The following NKD2 variants were observed in gnomAD, a reference collection of about 807,000 sequenced individuals.
NKD2 encodes the protein protein naked cuticle homolog 2.
Under a neutral mutation model 34.8 loss-of-function variants are expected in NKD2, and 43 were observed. The ratio of observed to expected loss-of-function variants is 1.24; its 90% CI spans 0.97 to 1.60. The LOEUF (loss-of-function observed/expected upper bound fraction) is 1.60, where lower values mean the gene tolerates loss of function less well. NKD2 is among the 40% of genes most tolerant of loss of function. The pLI is 0.00. For missense variants in NKD2, 675 were observed against 627.1 expected, an observed-to-expected ratio of 1.08 and a Z score of -0.82; for synonymous variants, 278 against 265.1, an observed-to-expected ratio of 1.05 and a Z score of -0.47.
intron 8 of NKD2, 47 bp downstream of exon 8, chr5:1,035,520 C>A (rs961446032): frequency 1.3e-5 from 19 of 1,435,346 alleles, no homozygotes; most frequent in Non-Finnish European, 4.8e-6. Flanking sequence ...GGCGGGGGCA[C>A]CCTGGCCACA....
chr5:1,016,326 T>C (rs981732326), intron 3 of NKD2, among the ~76,000 whole-genome samples: 7 of 152,256 alleles, frequency 4.6e-5, no homozygotes, highest in Non-Finnish European at 8.8e-5. Context: ...GGGCACCCTT[T>C]GGCAGCCTTT....
chr5:1,018,836 G>C (rs6867712), intron 3 of NKD2, among the ~76,000 whole-genome samples: 46,528 of 152,162 alleles, frequency 0.31, 7,507 homozygotes, highest in East Asian at 0.39. Flanking sequence ...GCCCATTCTC[G>C]GGGTCTGTTT....
chr5:1,034,206 G>A (rs770389782), intron 5 of NKD2, 29 bp from the exon 6 acceptor site: 13 of 1,563,972 alleles, frequency 8.3e-6, no homozygotes, highest in South Asian at 1.1e-5. Flanking sequence ...GGTAGGAGGC[G>A]AGGTCCCGGC....
In NKD2 at chr5:1,009,352, C is replaced by G. The variant is rs1755655153; in HGVS notation, c.62-129C>G. 23 of 662,938 alleles carry G rather than the reference C, an allele frequency of 3.5e-5. 2 individuals are homozygous for G. The South Asian group carries it at 5.1e-4, about 15-fold the overall frequency. 41.1% of individuals were successfully genotyped at this position (662,938 alleles called of 1,614,324 possible). On this transcript the variant is annotated intron_variant, in intron 2 of 9. Coordinates refer to ENST00000296849, the MANE Select transcript of NKD2 (RefSeq NM_033120.4). This position sits in a 1 kb window ranked among gnomAD's most constrained non-coding sequence, Gnocchi z 6.9. ...GCGGGTCTCCAGGAGCGCGCGGGAC[C>G]CCCACGCCTGCCCCTGCGCGGTCTC...
At position 1,031,703 on chromosome 5, in the gene NKD2, C is replaced by T. The variant is rs1756650609; in HGVS notation, c.142-449C>T. On this transcript the variant is annotated intron_variant, in intron 3 of 9. Transcript: ENST00000296849. ...TCCGTAACTGGTCTCGGCCGGCAGC[C>T]CTATAAGAGGCATGTTGGGGTCCTG... Among the ~76,000 whole-genome samples, 6 of 152,304 alleles carry T rather than the reference C, an allele frequency of 3.9e-5. No individual in the cohort carries two copies. In the South Asian group the frequency reaches 1.2e-3, roughly 32 times the overall value.
In NKD2 at chr5:1,037,993, C is replaced by T. The variant is rs777973563; in HGVS notation, c.976C>T (p.Pro326Ser). 3.1e-6 allele frequency: 5 copies of T among 1,606,294 alleles called. No individual in the cohort carries two copies. Among genetic ancestry groups the T allele is most frequent in the Middle Eastern group, 3.4e-4 (2 of 5,900 alleles). Residue 326 changes from proline to serine, a missense_variant, in exon 10 of 10, where the codon CCG (proline) becomes TCG (serine). Transcript: ENST00000296849. ...GGACACGCAGCCCCGGCCGAAGGGG[C>T]CGGAGAAGCAGTTCCTCAAGTCCCC... ...ALDTQPRPKG[P>S]EKQFLKSPKG...
chr5:1,010,736 G>T (rs886396365), intron 3 of NKD2, among the ~76,000 whole-genome samples: 1 of 152,214 alleles, frequency 6.6e-6, no homozygotes, highest in Non-Finnish European at 1.5e-5. Flanking sequence ...GGGCTTGCTG[G>T]TGAGTGGATG....
chr5:1,033,644 T>A, intron 5 of NKD2, 145 bp downstream of exon 5: 1 of 1,071,232 alleles, frequency 9.3e-7, no homozygotes, highest in Non-Finnish European at 1.3e-6. Flanking sequence ...TTTAAGGCAT[T>A]GAAGCAGAAC....
chr5:1,028,165 C>T (rs968157152), intron 3 of NKD2, among the ~76,000 whole-genome samples: 4 of 152,254 alleles, frequency 2.6e-5, no homozygotes, highest in East Asian at 3.9e-4. Context: ...GAGGACGAAG[C>T]GCTCAGCCCG....
At chr5:1,022,230 T>A (rs1268834019) in intron 3 of NKD2, among the ~76,000 whole-genome samples, 564 of 73,612 alleles carry the variant, frequency 7.7e-3, no homozygotes, top group Middle Eastern at 0.043. Context: ...GTCCCAGCCC[T>A]TTGTCCCTGC....
intron 4 of NKD2, among the ~76,000 whole-genome samples, chr5:1,032,817 C>T (rs888876300): frequency 3.9e-5 from 6 of 152,210 alleles, no homozygotes; most frequent in South Asian, 2.1e-4. Flanking sequence ...GTGCTGAGCC[C>T]GGACAGTCCC....
Position 1,034,410 on chromosome 5 carries a change from CAG to C in NKD2, c.426+81_426+82del, listed in dbSNP as rs1031541865. 38 of 1,200,222 alleles carry C rather than the reference CAG, an allele frequency of 3.2e-5. No homozygotes were observed. In the East Asian group the frequency reaches 4.8e-4, roughly 15 times the overall value. The allele number at this position is 1,200,222 out of a possible 1,614,324, so 74.3% of individuals were successfully genotyped here. The stretch of plus-strand genomic sequence containing the variant: ...AGACTGTGCTGGCCTCGCGATACCT[CAG>C]GGGGCAGGAGGGGACCTGCCTGCTG... On this transcript the variant is annotated intron_variant, in intron 6 of 9. Transcript: ENST00000296849.
Position 1,033,513 on chromosome 5 carries a change from C to A in NKD2, c.330+14C>A. 6.5e-7 allele frequency: 1 copy of A among 1,540,964 alleles called. No individual in the cohort carries two copies. Among genetic ancestry groups the A allele is most frequent in the South Asian group, 1.2e-5 (1 of 83,462 alleles). On this transcript the variant is annotated intron_variant, in intron 5 of 9. Coordinates refer to ENST00000296849, the MANE Select transcript of NKD2 (RefSeq NM_033120.4). ...CTCAACATTGACGTGGGTCTCTCTC[C>A]GGCCTCACTTGCGGGAACACGTCCC...
chr5:1,014,592 CCG>C (rs1204507687), intron 3 of NKD2, among the ~76,000 whole-genome samples: 33 of 152,226 alleles, frequency 2.2e-4, no homozygotes, highest in Admixed American at 2.2e-3. Context: ...TGGGTGGGCA[CCG>C]CTTGTTCAGA....
At chr5:1,011,852 G>A (rs937190818) in intron 3 of NKD2, among the ~76,000 whole-genome samples, 1 of 152,258 alleles carries the variant, frequency 6.6e-6, no homozygotes, top group Non-Finnish European at 1.5e-5. Flanking sequence ...TCTCCCTGGC[G>A]ACTCTGCGGA....
At chr5:1,035,893 C>T (rs1442377103) in intron 8 of NKD2, 6 of 351,098 alleles carry the variant, frequency 1.7e-5, no homozygotes, top group Non-Finnish European at 2.6e-5. Context: ...GGGGATGGCT[C>T]AGGCAGTGGC....
At chr5:1,020,683 T>G (rs891175506) in intron 3 of NKD2, among the ~76,000 whole-genome samples, 1 of 151,192 alleles carries the variant, frequency 6.6e-6, no homozygotes, top group Non-Finnish European at 1.5e-5. Flanking sequence ...TTTTTTTTTT[T>G]TTTTTTTCTG....
chr5:1,034,364 T>C, intron 6 of NKD2, 34 bp downstream of exon 6: 1 of 1,533,604 alleles, frequency 6.5e-7, no homozygotes. Context: ...AGGTCCACAG[T>C]AGTAGACAGA....
chr5:1,028,404 C>T (rs774459867), intron 3 of NKD2, among the ~76,000 whole-genome samples: 8 of 152,168 alleles, frequency 5.3e-5, no homozygotes, highest in Non-Finnish European at 1.0e-4. Context: ...TGGGGTCAGA[C>T]CCTCCTCCCA....
Sources: gnomAD v4.1 joint callset for allele counts (sites outside exome capture counted in the v4.1 genomes callset) on GRCh38, gnomAD v4.1.1 for gene constraint, Gnocchi (gnomAD v3.1) non-coding constraint, MANE v1.5 for transcripts, NCBI Gene and HGNC (gene_info 2026-07-23, HGNC 2026-07-21) for gene names.